The following PCNX2 variants were observed in gnomAD, a reference collection of about 807,000 sequenced individuals.
PCNX2 encodes pecanex 2, also known as pecanex-like protein 2.
Under a neutral mutation model 223.8 loss-of-function variants are expected in PCNX2, and 168 were observed. The observed-to-expected ratio is 0.75, with a 90% CI of 0.66 to 0.85. PCNX2 has a LOEUF of 0.85. Ranked by LOEUF, PCNX2 falls within the 40% of genes least tolerant of loss-of-function variation. PCNX2 has a pLI of 0.00. For synonymous variants in PCNX2, 1,006 were observed against 1,052.6 expected (o/e 0.96, Z 0.86); for missense variants, 2,507 against 2,675.5 (o/e 0.94, Z 1.39).
At chr1:233,132,351 C>A (rs530298293) in intron 21 of PCNX2, among the ~76,000 whole-genome samples, 1 of 152,164 alleles carries the variant, frequency 6.6e-6, no homozygotes, top group East Asian at 1.9e-4. Context: ...GACTGACAGC[C>A]ATGCTTACTC....
rs144424725 is a variant in PCNX2, at chr1:233,172,643, A to G, written c.3273+5159T>C. On this transcript the variant is annotated intron_variant, in intron 17 of 33. Transcript: ENST00000258229. ...CTCCATAGTTCGAGGTCTGAAAAACAAGGCTTAAGGTCCCCAGGTTGGGCA... is the reference window on the plus strand; with the variant it reads ...CTCCATAGTTCGAGGTCTGAAAAACGAGGCTTAAGGTCCCCAGGTTGGGCA... The G allele has an allele frequency of 5.5e-5, 41 of 740,692 alleles. No homozygotes were observed. The African/African-American group carries it at 7.0e-4, about 13-fold the overall frequency. 45.9% of individuals were successfully genotyped at this position (740,692 alleles called of 1,614,324 possible). A position where few individuals can be genotyped will look rare whatever the true frequency, so the allele number is the denominator to read the frequency against.
At chr1:233,297,366 A>G (rs189510982), upstream of PCNX2, among the ~76,000 whole-genome samples, 212 of 152,340 alleles carry the variant, frequency 1.4e-3, 1 homozygote, top group African/African-American at 5.0e-3. Flanking sequence ...ATAAACCACA[A>G]GAGGAGGCAG....
intron 17 of PCNX2, among the ~76,000 whole-genome samples, chr1:233,176,490 A>AT: frequency 6.6e-6 from 1 of 152,316 alleles, no homozygotes; most frequent in East Asian, 1.9e-4. Context: ...TGAACTAAGC[A>AT]TGGTGCTTAG....
chr1:233,105,929 C>T (rs1413712149), intron 21 of PCNX2, among the ~76,000 whole-genome samples: 2 of 152,164 alleles, frequency 1.3e-5, no homozygotes, highest in Admixed American at 1.3e-4. Flanking sequence ...CCTCTGGACT[C>T]CTGAGAATTA....
chr1:233,210,084 G>A (rs2102914374), intron 12 of PCNX2, among the ~76,000 whole-genome samples: 1 of 152,248 alleles, frequency 6.6e-6, no homozygotes, highest in South Asian at 2.1e-4. Context: ...GTCTGAGATA[G>A]TATTTTGAAT....
Position 233,052,268 on chromosome 1 carries a change from G to C in PCNX2, c.4351+2000C>G, listed in dbSNP as rs534860452. ...TAGAGATTCTCATCCAAAGAACCGA[G>C]ATAACTGATCATCTTTAGATAATGG... On this transcript the variant is annotated intron_variant, in intron 25 of 33. Coordinates refer to ENST00000258229, the MANE Select transcript of PCNX2 (RefSeq NM_014801.4). 2.0e-4 allele frequency among the ~76,000 whole-genome samples: 30 copies of C among 152,326 alleles called. No homozygotes were observed. The South Asian group carries it at 6.2e-3, about 32-fold the overall frequency.
the PCNX2 span, among the ~76,000 whole-genome samples, chr1:233,309,564 T>A: frequency 1.3e-5 from 2 of 148,758 alleles, no homozygotes; most frequent in East Asian, 2.0e-4. Flanking sequence ...ATAATAATAA[T>A]AAAATTAAAA....
intron 28 of PCNX2, among the ~76,000 whole-genome samples, chr1:233,004,367 G>C (rs1282528654): frequency 6.6e-6 from 1 of 152,130 alleles, no homozygotes; most frequent in Non-Finnish European, 1.5e-5. Flanking sequence ...AAATCTCTCA[G>C]AGCCTGGGGC....
chr1:233,086,009 GACA>G (rs1236656290), intron 23 of PCNX2, among the ~76,000 whole-genome samples: 1 of 152,142 alleles, frequency 6.6e-6, no homozygotes, highest in Non-Finnish European at 1.5e-5. Flanking sequence ...TTGAGTAATA[GACA>G]ACAAGAACAT....
At chr1:233,162,190 T>C (rs950379693) in intron 17 of PCNX2, among the ~76,000 whole-genome samples, 5 of 151,970 alleles carry the variant, frequency 3.3e-5, no homozygotes, top group African/African-American at 1.2e-4. Context: ...GAGAATGGCC[T>C]GTTAGCTCCA....
At chr1:233,122,995 T>A (rs1675892424) in intron 21 of PCNX2, among the ~76,000 whole-genome samples, 1 of 152,078 alleles carries the variant, frequency 6.6e-6, no homozygotes, top group Admixed American at 6.5e-5. Context: ...ATCACAAACA[T>A]GGAAAACATC....
chr1:233,070,860 C>A (rs900380737), intron 23 of PCNX2, among the ~76,000 whole-genome samples: 2 of 151,968 alleles, frequency 1.3e-5, no homozygotes, highest in East Asian at 1.9e-4. Context: ...CACGGTGAAA[C>A]CCCATCTCTA....
At chr1:233,142,151 G>A (rs1677168031) in intron 19 of PCNX2, among the ~76,000 whole-genome samples, 1 of 152,072 alleles carries the variant, frequency 6.6e-6, no homozygotes, top group Non-Finnish European at 1.5e-5. Flanking sequence ...CATAATGAAT[G>A]TTTTATACAC....
intron 15 of PCNX2, among the ~76,000 whole-genome samples, chr1:233,186,423 GCT>G (rs1422034308): frequency 6.6e-6 from 1 of 152,076 alleles, no homozygotes; most frequent in African/African-American, 2.4e-5. Context: ...CCTGAACTGT[GCT>G]CTCTCTTCTT....
chr1:233,083,524 C>CT (rs1673458645), intron 23 of PCNX2, among the ~76,000 whole-genome samples: 1 of 152,190 alleles, frequency 6.6e-6, no homozygotes, highest in South Asian at 2.1e-4. Flanking sequence ...CACAGAGGGG[C>CT]TACCGTAATT....
intron 9 of PCNX2, among the ~76,000 whole-genome samples, chr1:233,235,624 CAG>C (rs928492988): frequency 1.5e-4 from 22 of 146,656 alleles, no homozygotes; most frequent in African/African-American, 3.6e-4. Context: ...TTGTTTGAGA[CAG>C]AGTCTCGCTC....
At chr1:233,088,856 T>C (rs1229639814) in intron 23 of PCNX2, among the ~76,000 whole-genome samples, 3 of 152,194 alleles carry the variant, frequency 2.0e-5, no homozygotes, top group African/African-American at 7.2e-5. Flanking sequence ...ACGTGGTGCT[T>C]ACTTTGTGGC....
intron 13 of PCNX2, chr1:233,202,156 G>A (rs1294776660): frequency 8.6e-6 from 4 of 465,356 alleles, no homozygotes; most frequent in Admixed American, 4.8e-5. Context: ...TATGTTACCA[G>A]GACTTCAGGA....
intron 21 of PCNX2, among the ~76,000 whole-genome samples, chr1:233,122,697 G>A (rs956380739): frequency 1.3e-4 from 20 of 151,838 alleles, no homozygotes; most frequent in African/African-American, 4.8e-4. Context: ...CTAATTTTTT[G>A]TATTTAGTAG....
Sources: allele counts gnomAD v4.1 joint callset (sites outside exome capture counted in the v4.1 genomes callset), GRCh38; gene constraint gnomAD v4.1.1; transcripts MANE v1.5; gene names NCBI Gene and HGNC (gene_info 2026-07-23, HGNC 2026-07-21).